The following CDH15 variants were observed in gnomAD, a reference collection of about 807,000 sequenced individuals.
CDH15 encodes cadherin-15.
CDH15 carries 73 observed loss-of-function variants against 69.4 expected under a neutral mutation model. The ratio of observed to expected loss-of-function variants is 1.05; its 90% confidence interval spans 0.87 to 1.28. The LOEUF (loss-of-function observed/expected upper bound fraction) is 1.28. Ranked by LOEUF, CDH15 falls within the 50% of genes most tolerant of loss-of-function variation. The pLI, the probability that CDH15 is intolerant of heterozygous loss-of-function variation, is 0.00. For synonymous variants in CDH15, 624 were observed against 507.7 expected (o/e 1.23, Z -3.08); for missense variants, 1,343 against 1,133.6 (o/e 1.18, Z -2.65).
intron 1 of CDH15, among the ~76,000 whole-genome samples, chr16:89,176,253 C>T (rs546182630): frequency 1.4e-4 from 21 of 152,384 alleles, no homozygotes; most frequent in African/African-American, 4.3e-4. Context: ...ACTGAAGTCT[C>T]GGCAAAGCCA....
chr16:89,193,974 A>G (rs1450962470), intron 13 of CDH15, 61 bp downstream of exon 13: 39 of 1,554,800 alleles, frequency 2.5e-5, no homozygotes, highest in Middle Eastern at 3.3e-4. Context: ...ACACACATGC[A>G]CATGTACACA....
intron 6 of CDH15, among the ~76,000 whole-genome samples, chr16:89,187,859 G>T (rs1335448015): frequency 6.6e-6 from 1 of 152,234 alleles, no homozygotes; most frequent in East Asian, 1.9e-4. Context: ...TGGGAAGGGA[G>T]CACGAAGCTG....
At chr16:89,183,753 A>C in intron 4 of CDH15, 61 bp downstream of exon 4, 1 of 1,507,462 alleles carries the variant, frequency 6.6e-7, no homozygotes, top group Non-Finnish European at 8.9e-7. Flanking sequence ...TGTGAAGTCC[A>C]GGACTTCCCT....
Position 89,193,863 on chromosome 16 carries a change from C to T in CDH15, c.2101C>T (p.Pro701Ser), listed in dbSNP as rs763902039. Residue 701 changes from proline (P) to serine (S), a missense_variant, in exon 13 of 14, where the codon CCC (proline) becomes TCC (serine). Physicochemically the swap from Pro to Ser is moderately conservative, Grantham distance 74. Coordinates refer to ENST00000289746, the MANE Select transcript of CDH15 (RefSeq NM_004933.3). The part of the protein sequence containing the change: ...APQGRLHPQP[P>S]RVLPTSPLDI... ...GCAGGGCCGCCTGCACCCCCAGCCA[C>T]CCCGAGTGCTGCCCACCAGCCCCCT... 5 of 1,612,040 alleles carry T rather than the reference C, an allele frequency of 3.1e-6. No homozygotes were observed. The highest frequency in any genetic ancestry group is 4.5e-5 in the East Asian group (2 of 44,862).
intron 13 of CDH15, among the ~76,000 whole-genome samples, chr16:89,194,120 C>T (rs768184961): frequency 3.3e-5 from 5 of 152,248 alleles, no homozygotes; most frequent in Admixed American, 2.0e-4. Flanking sequence ...AGCCTCCACC[C>T]GCGACGCGGG....
intron 3 of CDH15, among the ~76,000 whole-genome samples, chr16:89,181,526 C>A (rs1380516485): frequency 6.6e-6 from 1 of 152,070 alleles, no homozygotes; most frequent in Non-Finnish European, 1.5e-5. Context: ...GCCTGTGGTC[C>A]CAGCTGCTTG....
intron 7 of CDH15, 48 bp downstream of exon 7, chr16:89,188,333 G>A (rs765206528): frequency 4.3e-5 from 65 of 1,509,960 alleles, no homozygotes; most frequent in South Asian, 5.7e-5. Context: ...CGCAGATGCC[G>A]ACACACACAG....
chr16:89,188,375 T>C lies in CDH15; in HGVS notation c.978+90T>C, dbSNP rs866544119. The C allele has an allele frequency of 4.5e-6, 4 of 880,326 alleles. No homozygotes were observed. In the African/African-American group the frequency reaches 5.1e-5, roughly 11 times the overall value. The allele number at this position is 880,326 out of a possible 1,614,324, so 54.5% of individuals were successfully genotyped here. On this transcript the variant is annotated intron_variant, in intron 7 of 13. Transcript: ENST00000289746. ...ACACACAGATGCCGGCACACACAGA[T>C]GCCCACACACAGATGCCGGCACACA...
In CDH15 at chr16:89,195,137, C is replaced by CA; in HGVS notation, c.2428dup (p.Arg810LysfsTer22). On this transcript the variant is annotated frameshift_variant, in exon 14 of 14. Transcript: ENST00000289746. LOFTEE classifies it low-confidence loss of function (END_TRUNC). ...CTCCTGGGGCACTGCTACCCAGACA[C>CA]AGAGGCCGGACAGCCTGACCCTGGG... 3 of 1,597,672 alleles carry CA rather than the reference C, an allele frequency of 1.9e-6. No homozygotes were observed. The highest frequency in any genetic ancestry group is 2.6e-6 in the Non-Finnish European group (3 of 1,171,692).
At position 89,191,908 on chromosome 16, in the gene CDH15, A is replaced by C. The variant is rs183448995; in HGVS notation, c.1615+14A>C. 6.5e-7 allele frequency: 1 copy of C among 1,536,928 alleles called. No individual in the cohort carries two copies. The highest frequency in any genetic ancestry group is 8.7e-7 in the Non-Finnish European group (1 of 1,147,238). On this transcript the variant is annotated intron_variant, in intron 10 of 13. Coordinates refer to ENST00000289746, the MANE Select transcript of CDH15 (RefSeq NM_004933.3). ...GCCAGGTCAACGGTGCGCTCCCCTC[A>C]CCGCCGCGCTCCCCCCATCCCCACG...
intron 1 of CDH15, among the ~76,000 whole-genome samples, chr16:89,174,481 C>A (rs113394397): frequency 2.0e-5 from 3 of 152,202 alleles, no homozygotes; most frequent in African/African-American, 7.2e-5. Flanking sequence ...CAGTGGTGTT[C>A]GTAAACCCCA....
rs994686571 is a variant in CDH15, at chr16:89,172,301, C to A, written c.42+428C>A. On this transcript the variant is annotated intron_variant, in intron 1 of 13. Coordinates refer to ENST00000289746, the MANE Select transcript of CDH15 (RefSeq NM_004933.3). ...GGACTCCCTGCGGTGGGCACAGGAC[C>A]CCTGGCTAGTCTTGGGTTTTGTCCA... Among the ~76,000 whole-genome samples, 3 of 152,184 alleles carry A rather than the reference C, an allele frequency of 2.0e-5. No individual in the cohort carries two copies. The South Asian group carries it at 6.2e-4, about 32-fold the overall frequency.
At chr16:89,188,316 C>A in intron 7 of CDH15, 31 bp downstream of exon 7, 1 of 1,598,340 alleles carries the variant, frequency 6.3e-7, no homozygotes, top group Admixed American at 1.7e-5. Context: ...ACACAGATGC[C>A]GGCAGACGCA....
chr16:89,182,406 C>T lies in CDH15; in HGVS notation c.358-1142C>T, dbSNP rs139004015. ...TTGTAATCCGAGCACTTTGGGAGGC[C>T]GAGGCGAGTGGATCACCTGAGGTCA... On this transcript the variant is annotated intron_variant, in intron 3 of 13. Coordinates refer to ENST00000289746, the MANE Select transcript of CDH15 (RefSeq NM_004933.3). Among the ~76,000 whole-genome samples the T allele has an allele frequency of 3.4e-4, 51 of 150,860 alleles. 1 individual carries two copies. The highest frequency in any genetic ancestry group is 1.2e-3 in the African/African-American group (48 of 41,062).
At chr16:89,189,340 T>C (rs1915586258) in intron 7 of CDH15, among the ~76,000 whole-genome samples, 2 of 134,342 alleles carry the variant, frequency 1.5e-5, no homozygotes, top group South Asian at 2.4e-4. Flanking sequence ...CACACACAGA[T>C]GCCCACACAC....
rs1300307863 is a variant in CDH15, at chr16:89,190,279, A to T, written c.1015A>T (p.Lys339Ter). 1 of 1,612,604 alleles carries T rather than the reference A, an allele frequency of 6.2e-7. No individual in the cohort carries two copies. Among genetic ancestry groups the T allele is most frequent in the Non-Finnish European group, 8.5e-7 (1 of 1,179,892 alleles). The change falls in exon 8 of 14, where the codon AAA becomes TAA. Residue 339 changes from lysine to a stop codon, truncating the protein, a stop_gained. Transcript: ENST00000289746. LOFTEE classifies it high-confidence loss of function. ...TGAGAGCTGTGAACACTACGAACTCAAAGTGTCGGTGCAGAATGAGGCCCC... is the reference window on the plus strand; with the variant it reads ...TGAGAGCTGTGAACACTACGAACTCTAAGTGTCGGTGCAGAATGAGGCCCC... ...DYESCEHYEL[K>*]VSVQNEAPLQ...
chr16:89,188,571 C>CAG (rs1915550929), intron 7 of CDH15, among the ~76,000 whole-genome samples: 4 of 93,104 alleles, frequency 4.3e-5, no homozygotes, highest in African/African-American at 1.2e-4. Flanking sequence ...GGCACACACA[C>CAG]ATGCCGGCAC....
intron 1 of CDH15, among the ~76,000 whole-genome samples, chr16:89,176,689 C>T (rs1314269115): frequency 6.7e-6 from 1 of 150,000 alleles, no homozygotes; most frequent in Non-Finnish European, 1.5e-5. Flanking sequence ...TGAAGGAGCT[C>T]AGGAGCAGGC....
intron 3 of CDH15, among the ~76,000 whole-genome samples, chr16:89,182,341 C>T (rs1448258146): frequency 6.7e-6 from 1 of 148,366 alleles, no homozygotes; most frequent in African/African-American, 2.5e-5. Context: ...AGCCTGCCCT[C>T]TCCAAAATGT....
Sources: allele counts gnomAD v4.1 joint callset (sites outside exome capture counted in the v4.1 genomes callset), GRCh38; gene constraint gnomAD v4.1.1; transcripts MANE v1.5; gene names NCBI Gene and HGNC (gene_info 2026-07-23, HGNC 2026-07-21).